ZNF776: variants seen among roughly 807,000 people sequenced by gnomAD.
The protein encoded by ZNF776 is zinc finger protein 776.
ZNF776 carries 4 observed loss-of-function variants against 7.0 expected under a neutral mutation model. The observed-to-expected ratio is 0.57, with a 90% CI of 0.28 to 1.31. The LOEUF (loss-of-function observed/expected upper bound fraction) is 1.31. ZNF776 is among the 50% of genes most tolerant of loss of function. The probability of loss-of-function intolerance (pLI) is 0.10; values close to 1 mark genes in which losing one functional copy is unlikely to be tolerated. For missense variants in ZNF776, 555 were observed against 625.9 expected (o/e 0.89, Z 1.21); for synonymous variants, 212 against 213.7 (o/e 0.99, Z 0.07).
At position 57,754,574 on chromosome 19, in the gene ZNF776, C is replaced by A; in HGVS notation, c.1444C>A (p.His482Asn). Residue 482 changes from histidine (H) to asparagine (N), a missense_variant, in exon 3 of 3, where the codon CAC becomes AAC. Transcript: ENST00000317178. ...CAGTCTCATTCGACATCAGCAGATTCACTCTGGAGAAAGGCCACATGAGTG... is the reference window on the plus strand; with the variant it reads ...CAGTCTCATTCGACATCAGCAGATTAACTCTGGAGAAAGGCCACATGAGTG... ...KGSLIRHQQIHSGERPHECGE... is the reference protein window; with the variant it reads ...KGSLIRHQQINSGERPHECGE... 4 of 1,614,228 alleles carry A rather than the reference C, an allele frequency of 2.5e-6. No homozygotes were observed. Among genetic ancestry groups the A allele is most frequent in the Non-Finnish European group, 3.4e-6 (4 of 1,180,042 alleles).
chr19:57,752,479 C>A (rs1986637548), intron 2 of ZNF776, among the ~76,000 whole-genome samples: 1 of 152,036 alleles, frequency 6.6e-6, no homozygotes, highest in African/African-American at 2.4e-5. Context: ...TCTCAGTGAT[C>A]CAGAAGTTGC....
chr19:57,753,185 G>A lies in ZNF776; in HGVS notation c.161-106G>A, dbSNP rs150810574. ...GTGCTATATAAAAGGATATGTCTAG[G>A]CCCAAGTAAATATAAGTACAACAAA... On this transcript the variant is annotated intron_variant, in intron 2 of 2. Coordinates refer to ENST00000317178, the MANE Select transcript of ZNF776 (RefSeq NM_173632.4). 2.1e-3 allele frequency: 2,267 copies of A among 1,080,214 alleles called. 18 individuals are homozygous for A. In the African/African-American group the frequency reaches 0.022, roughly 10 times the overall value. The allele number at this position is 1,080,214 out of a possible 1,614,324, so 66.9% of individuals were successfully genotyped here. A position where few individuals can be genotyped will look rare whatever the true frequency, so the allele number is the denominator to read the frequency against.
chr19:57,756,297 C>G lies in ZNF776; in HGVS notation c.*1610C>G, dbSNP rs1986774922. The G allele has an allele frequency of 6.6e-6, 1 of 152,144 alleles. No homozygotes were observed. Among genetic ancestry groups the G allele is most frequent in the South Asian group, 2.1e-4 (1 of 4,826 alleles). The allele number at this position is 152,144 out of a possible 1,614,324, so 9.4% of individuals were successfully genotyped here. ...GCCTCTTAACTCACCAACCCAAGTA[C>G]AAGCTGCCTCTCATTGTTCTGGTTT... On this transcript the variant is annotated 3_prime_UTR_variant, in exon 3 of 3. Transcript: ENST00000317178.
In ZNF776 at chr19:57,754,297, C is replaced by T. The variant is rs1986702332; in HGVS notation, c.1167C>T (p.Ser389=). 6.2e-7 allele frequency: 1 copy of T among 1,613,902 alleles called. No individual in the cohort carries two copies. ...GTGGGAAGTTATTTAGGAGCAACTC[C>T]CACCTAAAGGAACACCAGAGAGTTC... ...TACGKLFRSN[S]HLKEHQRVHT... Residue 389 remains serine (S), a synonymous_variant, in exon 3 of 3, where the codon TCC becomes TCT. Transcript: ENST00000317178.
Position 57,754,982 on chromosome 19 carries a change from C to T in ZNF776, c.*295C>T, listed in dbSNP as rs1986734221. ...ACAAGAAGTCCCACCTCACTGAACA[C>T]TACTGAGTTCACAGTTGAGAAAGGC... On this transcript the variant is annotated 3_prime_UTR_variant, in exon 3 of 3. Transcript: ENST00000317178. The T allele has an allele frequency of 5.1e-6, 2 of 394,040 alleles. No homozygotes were observed. Among genetic ancestry groups the T allele is most frequent in the Admixed American group, 4.2e-5 (1 of 23,712 alleles). The allele number at this position is 394,040 out of a possible 1,614,324, so 24.4% of individuals were successfully genotyped here. A position where few individuals can be genotyped will look rare whatever the true frequency, so the allele number is the denominator to read the frequency against.
Position 57,754,399 on chromosome 19 carries a change from G to A in ZNF776, c.1269G>A (p.Gln423=), listed in dbSNP as rs1184330979. Residue 423 remains glutamine (Q), a synonymous_variant, in exon 3 of 3, where the codon CAG becomes CAA. Transcript: ENST00000317178. ...ACAAGTCACACCTCACTGAACACCAGAGAGTTCACACTGGAGAAAGGCCAT... is the reference window on the plus strand; with the variant it reads ...ACAAGTCACACCTCACTGAACACCAAAGAGTTCACACTGGAGAAAGGCCAT... ...FRYKSHLTEH[Q]RVHTGERPYE... is the part of the protein sequence containing the mutation. The A allele has an allele frequency of 6.2e-7, 1 of 1,614,166 alleles. No individual in the cohort carries two copies.
chr19:57,756,975 C>T lies in ZNF776; in HGVS notation c.*2288C>T, dbSNP rs1343538182. 1.0e-5 allele frequency: 4 copies of T among 394,120 alleles called. No individual in the cohort carries two copies. Among genetic ancestry groups the T allele is most frequent in the African/African-American group, 2.1e-5 (1 of 46,954 alleles). 24.4% of individuals were successfully genotyped at this position (394,120 alleles called of 1,614,324 possible). A position where few individuals can be genotyped will look rare whatever the true frequency, so the allele number is the denominator to read the frequency against. ...TCAAGTGATCCTCCTGCCTCAGCCT[C>T]CCGAGTACCTGAGATTAGCCCAGGT... On this transcript the variant is annotated 3_prime_UTR_variant, in exon 3 of 3. Coordinates refer to ENST00000317178, the MANE Select transcript of ZNF776 (RefSeq NM_173632.4).
rs1323798848 is a variant in ZNF776, at chr19:57,751,006, GCCTGGGCACAGGTTCCTCTGTTAGTTC to G, written c.160+102_160+128del. The G allele has an allele frequency of 4.3e-6, 6 of 1,401,772 alleles. No individual in the cohort carries two copies. The Admixed American group carries it at 1.1e-4, about 25-fold the overall frequency. The allele number at this position is 1,401,772 out of a possible 1,614,324, so 86.8% of individuals were successfully genotyped here. A position where few individuals can be genotyped will look rare whatever the true frequency, so the allele number is the denominator to read the frequency against. On this transcript the variant is annotated intron_variant, in intron 2 of 2. Coordinates refer to ENST00000317178, the MANE Select transcript of ZNF776 (RefSeq NM_173632.4). Reference sequence around the variant, plus strand: ...CAAGACTGTTTTCCTCACTTCAGGAGCCTGGGCACAGGTTCCTCTGTTAGTTCCCTGGGTAGGTTCTATGTGGTATGT... The same window carrying G: ...CAAGACTGTTTTCCTCACTTCAGGAGCCTGGGTAGGTTCTATGTGGTATGT...
rs1250986697 is a variant in ZNF776 at position 57,747,056 on chromosome 19, C to T, written c.-3C>T. ...TTCGACCCCGCTTTCCCCACCCAGT[C>T]GGATGGCGGCGGCCGCGCTGAGGCC... On this transcript the variant is annotated 5_prime_UTR_variant, in exon 1 of 3. Coordinates refer to ENST00000317178, the MANE Select transcript of ZNF776 (RefSeq NM_173632.4). 6.3e-7 allele frequency: 1 copy of T among 1,586,442 alleles called. No homozygotes were observed. Among genetic ancestry groups the T allele is most frequent in the Middle Eastern group, 1.7e-4 (1 of 6,008 alleles).
chr19:57,754,739 G>A lies in ZNF776; in HGVS notation c.*52G>A, dbSNP rs1441540414. On this transcript the variant is annotated 3_prime_UTR_variant, in exon 3 of 3. Coordinates refer to ENST00000317178, the MANE Select transcript of ZNF776 (RefSeq NM_173632.4). ...GAGCACCCTCATTCAACATTCGTGA[G>A]ATCACACTGGAAAGCACTTATGAGT... is the stretch of plus-strand genomic sequence containing the variant. 6.4e-7 allele frequency: 1 copy of A among 1,555,116 alleles called. No homozygotes were observed. The highest frequency in any genetic ancestry group is 8.7e-7 in the Non-Finnish European group (1 of 1,144,088).
At position 57,754,271 on chromosome 19, in the gene ZNF776, T is replaced by C. The variant is rs1419302438; in HGVS notation, c.1141T>C (p.Cys381Arg). The change falls in exon 3 of 3, where the codon TGT becomes CGT. Residue 381 changes from cysteine (C) to arginine (R), a missense_variant. Transcript: ENST00000317178. The stretch of plus-strand genomic sequence containing the variant: ...AGAAAGACCTTTTGAGTGTACGGCA[T>C]GTGGGAAGTTATTTAGGAGCAACTC... ...TGERPFECTA[C>R]GKLFRSNSHL... is the part of the protein sequence containing the mutation. 6.2e-7 allele frequency: 1 copy of C among 1,613,982 alleles called. No individual in the cohort carries two copies.
intron 1 of ZNF776, among the ~76,000 whole-genome samples, chr19:57,748,768 T>C (rs911396679): frequency 2.0e-5 from 3 of 152,054 alleles, no homozygotes; most frequent in Non-Finnish European, 2.9e-5. Context: ...GAAATAGATA[T>C]ATGCAGAAGT....
In ZNF776 at chr19:57,753,864, C is replaced by G; in HGVS notation, c.734C>G (p.Thr245Ser). Residue 245 changes from threonine to serine, a missense_variant, in exon 3 of 3, where the codon ACT (threonine) becomes AGT (serine). Transcript: ENST00000317178. ...PYVCSDSGKF[T>S]SKSNSFNNHQ... Reference sequence around the variant, plus strand: ...GTATGCAGTGATTCTGGGAAATTCACTAGCAAAAGTAATAGTTTTAATAAT... The same window carrying G: ...GTATGCAGTGATTCTGGGAAATTCAGTAGCAAAAGTAATAGTTTTAATAAT... The G allele has an allele frequency of 6.2e-7, 1 of 1,614,202 alleles. No homozygotes were observed. The highest frequency in any genetic ancestry group is 8.5e-7 in the Non-Finnish European group (1 of 1,180,042).
chr19:57,747,759 G>C (rs188249000), intron 1 of ZNF776, among the ~76,000 whole-genome samples: 1 of 152,186 alleles, frequency 6.6e-6, no homozygotes, highest in Admixed American at 6.5e-5. Context: ...AACCTCCGCA[G>C]GGAAGCGGAG....
chr19:57,754,839 C>G lies in ZNF776; in HGVS notation c.*152C>G. 1.4e-6 allele frequency: 1 copy of G among 733,932 alleles called. No individual in the cohort carries two copies. Among genetic ancestry groups the G allele is most frequent in the Admixed American group, 2.9e-5 (1 of 34,828 alleles). The allele number at this position is 733,932 out of a possible 1,614,324, so 45.5% of individuals were successfully genotyped here. ...ATAGCAAGATCACACTGGGGAAAGG[C>G]TTTCTGAGTGTAGAGAATGTATGAA... On this transcript the variant is annotated 3_prime_UTR_variant, in exon 3 of 3. Transcript: ENST00000317178.
Position 57,753,688 on chromosome 19 carries a change from C to T in ZNF776, c.558C>T (p.His186=), listed in dbSNP as rs1450936167. 1.2e-6 allele frequency: 2 copies of T among 1,614,182 alleles called. No homozygotes were observed. Among genetic ancestry groups the T allele is most frequent in the South Asian group, 2.2e-5 (2 of 91,080 alleles). Residue 186 remains histidine, a synonymous_variant, in exon 3 of 3, where the codon CAC becomes CAT. Coordinates refer to ENST00000317178, the MANE Select transcript of ZNF776 (RefSeq NM_173632.4). Reference sequence around the variant, plus strand: ...GATTACTCCAACAAGAGGACATTCACACTTCAGGGAAGTCAAACTTTGAAA... The same window carrying T: ...GATTACTCCAACAAGAGGACATTCATACTTCAGGGAAGTCAAACTTTGAAA... ...SLRLLQQEDI[H]TSGKSNFETK...
chr19:57,748,443 T>C (rs1443657559), intron 1 of ZNF776, among the ~76,000 whole-genome samples: 3 of 152,174 alleles, frequency 2.0e-5, no homozygotes, highest in African/African-American at 7.2e-5. Context: ...CAAATGGCTA[T>C]GGACATGCAG....
chr19:57,754,953 C>T lies in ZNF776; in HGVS notation c.*266C>T. 1 of 441,078 alleles carries T rather than the reference C, an allele frequency of 2.3e-6. No individual in the cohort carries two copies. The highest frequency in any genetic ancestry group is 4.1e-5 in the East Asian group (1 of 24,676). The allele number at this position is 441,078 out of a possible 1,614,324, so 27.3% of individuals were successfully genotyped here. Reference sequence around the variant, plus strand: ...TAGTTATGGGGAATTTGGGAAATTACCTAACAAGAAGTCCCACCTCACTGA... The same window carrying T: ...TAGTTATGGGGAATTTGGGAAATTATCTAACAAGAAGTCCCACCTCACTGA... On this transcript the variant is annotated 3_prime_UTR_variant, in exon 3 of 3. Coordinates refer to ENST00000317178, the MANE Select transcript of ZNF776 (RefSeq NM_173632.4).
chr19:57,754,477 ACAT>A lies in ZNF776; in HGVS notation c.1350_1352del (p.His450del), dbSNP rs1200700164. The A allele has an allele frequency of 4.3e-6, 7 of 1,614,074 alleles. No individual in the cohort carries two copies. The highest frequency in any genetic ancestry group is 3.3e-5 in the Admixed American group (2 of 60,002). ...TTCATCAAAAGGGCAGTCTCATTCA[ACAT>A]CAGCAGATCCACTCTGGAGAAAGGC... On this transcript the variant is annotated inframe_deletion, in exon 3 of 3. Transcript: ENST00000317178.
Sources: gnomAD v4.1 joint callset for allele counts (sites outside exome capture counted in the v4.1 genomes callset) on GRCh38, gnomAD v4.1.1 for gene constraint, MANE v1.5 for transcripts, NCBI Gene and HGNC (gene_info 2026-07-23, HGNC 2026-07-21) for gene names.